Variants in ZDHHC15 observed in about 807,000 individuals in gnomAD.
The protein encoded by ZDHHC15 is zDHHC palmitoyltransferase 15, also known as palmitoyltransferase ZDHHC15.
Under a neutral mutation model 31.7 loss-of-function variants are expected in ZDHHC15, and 19 were observed. The observed-to-expected ratio is 0.60, with a 90% confidence interval of 0.42 to 0.88. The LOEUF (loss-of-function observed/expected upper bound fraction) is 0.88. Ranked by LOEUF, ZDHHC15 falls within the 40% of genes least tolerant of loss-of-function variation. The probability of loss-of-function intolerance (pLI) is 0.00; values close to 1 mark genes in which losing one functional copy is unlikely to be tolerated. For missense variants in ZDHHC15, 209 were observed against 251.2 expected (o/e 0.83, Z 1.14); for synonymous variants, 103 against 90.0 (o/e 1.14, Z -0.82).
At chrX:75,441,571 A>T (rs1429584106) in intron 4 of ZDHHC15, among the ~76,000 whole-genome samples, 1 of 109,576 alleles carries the variant, frequency 9.1e-6, no homozygotes, top group Non-Finnish European at 1.9e-5. Flanking sequence ...TGCTTCTTTC[A>T]AAGGATCTGT....
At chrX:75,419,152 G>A (rs1370025684) in intron 9 of ZDHHC15, among the ~76,000 whole-genome samples, 1 of 111,269 alleles carries the variant, frequency 9.0e-6, no homozygotes, top group East Asian at 2.8e-4. Context: ...TACCATCAGA[G>A]TGAACAGACA....
intron 2 of ZDHHC15, among the ~76,000 whole-genome samples, chrX:75,492,951 T>C (rs1440658195): frequency 9.0e-6 from 1 of 110,762 alleles, no homozygotes; most frequent in Non-Finnish European, 1.9e-5. Flanking sequence ...CTGAAGGAAA[T>C]AGAGAGACAA....
At chrX:75,373,926 G>GTTTTTTGTTTTTTTT (rs2083027962) in intron 11 of ZDHHC15, among the ~76,000 whole-genome samples, 1 of 50,456 alleles carries the variant, frequency 2.0e-5, no homozygotes, top group African/African-American at 7.6e-5. Flanking sequence ...CATTCTTTCT[G>GTTTTTTGTTTTTTTT]TTTTTTTTTT....
chrX:75,381,842 C>G (rs1008261914), intron 10 of ZDHHC15, among the ~76,000 whole-genome samples: 6 of 111,169 alleles, frequency 5.4e-5, no homozygotes, highest in Non-Finnish European at 9.4e-5. Flanking sequence ...GCCTCATCTT[C>G]AAAACTTTCA....
chrX:75,390,462 G>A (rs1268466454), intron 10 of ZDHHC15, among the ~76,000 whole-genome samples: 1 of 111,591 alleles, frequency 9.0e-6, no homozygotes, highest in Non-Finnish European at 1.9e-5. Context: ...GGCCACAGGG[G>A]CACTTGTGTT....
chrX:75,392,341 T>G (rs1253762406), intron 10 of ZDHHC15, among the ~76,000 whole-genome samples: 1 of 112,079 alleles, frequency 8.9e-6, no homozygotes, highest in Non-Finnish European at 1.9e-5. Context: ...CTAGCCACAC[T>G]GACAGCTGAT....
intron 10 of ZDHHC15, among the ~76,000 whole-genome samples, chrX:75,380,860 C>T (rs1283094359): frequency 1.8e-5 from 2 of 111,441 alleles, no homozygotes. Context: ...TTAGTGTGTG[C>T]TGGTTAAGCT....
At chrX:75,424,264 T>A (rs1233144369) in intron 8 of ZDHHC15, among the ~76,000 whole-genome samples, 1 of 110,885 alleles carries the variant, frequency 9.0e-6, no homozygotes, top group African/African-American at 3.3e-5. Context: ...ATAAATTAGA[T>A]TCTACTATCT....
chrX:75,479,381 C>T (rs1457044195), intron 2 of ZDHHC15, among the ~76,000 whole-genome samples: 1 of 112,033 alleles, frequency 8.9e-6, no homozygotes, highest in African/African-American at 3.2e-5. Context: ...TTTATTTTCT[C>T]AATAAATTTG....
At chrX:75,395,680 A>G (rs745965231) in intron 10 of ZDHHC15, among the ~76,000 whole-genome samples, 2 of 111,959 alleles carry the variant, frequency 1.8e-5, no homozygotes, top group South Asian at 3.7e-4. Context: ...TCATAGAAAT[A>G]GGAAAAATAA....
chrX:75,440,950 G>A (rs2083931920), intron 4 of ZDHHC15, among the ~76,000 whole-genome samples: 1 of 111,566 alleles, frequency 9.0e-6, no homozygotes, highest in Admixed American at 9.5e-5. Flanking sequence ...CACCAGGGAA[G>A]TGGAGAAAAG....
intron 11 of ZDHHC15, among the ~76,000 whole-genome samples, chrX:75,373,522 C>A (rs936585281): frequency 9.0e-6 from 1 of 110,967 alleles, no homozygotes; most frequent in Non-Finnish European, 1.9e-5. Context: ...TATCCATTGA[C>A]CCTTTAAAAA....
At chrX:75,448,175 C>T (rs1453027501) in intron 4 of ZDHHC15, among the ~76,000 whole-genome samples, 1 of 112,279 alleles carries the variant, frequency 8.9e-6, no homozygotes, top group African/African-American at 3.2e-5. Context: ...TTAGTATTAC[C>T]ATGCCCCGTG....
chrX:75,443,827 C>T (rs896149301), intron 4 of ZDHHC15, among the ~76,000 whole-genome samples: 1 of 111,966 alleles, frequency 8.9e-6, no homozygotes. Flanking sequence ...AGACACTTCT[C>T]AAAAGAAGAC....
chrX:75,492,052 A>C (rs2084905893), intron 2 of ZDHHC15, among the ~76,000 whole-genome samples: 1 of 111,498 alleles, frequency 9.0e-6, no homozygotes, highest in Admixed American at 9.6e-5. Flanking sequence ...AACCCATGTC[A>C]TGTGCAGAGA....
intron 10 of ZDHHC15, among the ~76,000 whole-genome samples, chrX:75,400,398 T>C (rs930031048): frequency 9.0e-6 from 1 of 111,086 alleles, no homozygotes; most frequent in Non-Finnish European, 1.9e-5. Flanking sequence ...GAAGACTGGT[T>C]CTCTGAAATA....
chrX:75,383,614 T>C (rs1170641692), intron 10 of ZDHHC15, among the ~76,000 whole-genome samples: 1 of 111,426 alleles, frequency 9.0e-6, no homozygotes, highest in Admixed American at 9.6e-5. Context: ...TGAATTCTGA[T>C]AGCACAAACT....
chrX:75,449,617 T>C (rs1330664126), intron 4 of ZDHHC15, among the ~76,000 whole-genome samples: 3 of 112,180 alleles, frequency 2.7e-5, no homozygotes, highest in African/African-American at 9.7e-5. Context: ...TCTAACAAAA[T>C]TAACAGCAAG....
chrX:75,463,559 A>C (rs1264638345), intron 3 of ZDHHC15, among the ~76,000 whole-genome samples: 1 of 80,489 alleles, frequency 1.2e-5, no homozygotes, highest in Non-Finnish European at 2.5e-5. Context: ...TCCAGAATCT[A>C]TAAAGAACTC....
Sources: allele counts gnomAD v4.1 joint callset (sites outside exome capture counted in the v4.1 genomes callset), GRCh38; gene constraint gnomAD v4.1.1; transcripts MANE v1.5; gene names NCBI Gene and HGNC (gene_info 2026-07-23, HGNC 2026-07-21).